MACROD2: variants seen among roughly 807,000 people sequenced by gnomAD.
MACROD2 encodes ADP-ribose glycohydrolase MACROD2.
Under a neutral mutation model 70.4 loss-of-function variants are expected in MACROD2, and 36 were observed. That is an observed-to-expected ratio of 0.51 (90% confidence interval 0.39 to 0.68). The LOEUF (loss-of-function observed/expected upper bound fraction) is 0.68. MACROD2 is among the 30% of genes least tolerant of loss of function. The pLI, the probability that MACROD2 is intolerant of heterozygous loss-of-function variation, is 0.00. For synonymous variants in MACROD2, 172 were observed against 178.8 expected (o/e 0.96, Z 0.30); for missense variants, 496 against 538.4 (o/e 0.92, Z 0.78).
chr20:15,583,105 T>C (rs2048549219), intron 8 of MACROD2, among the ~76,000 whole-genome samples: 1 of 152,066 alleles, frequency 6.6e-6, no homozygotes, highest in South Asian at 2.1e-4. Context: ...TTCAAAAACA[T>C]CTCTCAATCC....
At chr20:15,821,884 C>A (rs527893622) in intron 8 of MACROD2, among the ~76,000 whole-genome samples, 1 of 151,978 alleles carries the variant, frequency 6.6e-6, no homozygotes, top group Non-Finnish European at 1.5e-5. Context: ...TACCGAGGGA[C>A]GACTGTATAC....
At chr20:14,290,021 C>T (rs888638357) in intron 3 of MACROD2, among the ~76,000 whole-genome samples, 5 of 152,078 alleles carry the variant, frequency 3.3e-5, no homozygotes, top group African/African-American at 7.2e-5. Context: ...GGGCATGAAA[C>T]GTTTAAATAA....
At chr20:14,479,784 TA>T (rs1047993601) in intron 3 of MACROD2, among the ~76,000 whole-genome samples, 5 of 151,764 alleles carry the variant, frequency 3.3e-5, no homozygotes, top group Non-Finnish European at 7.4e-5. Context: ...TAAAAAATTT[TA>T]AAAAAAATCT....
intron 6 of MACROD2, among the ~76,000 whole-genome samples, chr20:15,239,954 A>G (rs1479004137): frequency 2.0e-5 from 3 of 152,260 alleles, no homozygotes; most frequent in Admixed American, 2.0e-4. Context: ...CACTACACAC[A>G]CTTGCTCTAT....
intron 5 of MACROD2, among the ~76,000 whole-genome samples, chr20:15,175,270 G>T (rs1052857329): frequency 8.1e-6 from 1 of 123,548 alleles, no homozygotes; most frequent in African/African-American, 3.2e-5. Flanking sequence ...ACACTCTGGG[G>T]ACTGTTGTGG....
chr20:15,002,094 T>G (rs953564116), intron 5 of MACROD2, among the ~76,000 whole-genome samples: 3 of 152,220 alleles, frequency 2.0e-5, no homozygotes, highest in Non-Finnish European at 4.4e-5. Context: ...ACTATCTTTT[T>G]CATATAATGA....
intron 8 of MACROD2, among the ~76,000 whole-genome samples, chr20:15,856,259 A>C (rs79311895): frequency 0.031 from 4,689 of 152,242 alleles, 143 homozygotes; most frequent in East Asian, 0.13. Flanking sequence ...ATCCTAGTTT[A>C]GAGGGCATCA....
intron 3 of MACROD2, among the ~76,000 whole-genome samples, chr20:14,349,925 T>A (rs1316670651): frequency 1.3e-5 from 2 of 151,586 alleles, no homozygotes; most frequent in Non-Finnish European, 2.9e-5. Context: ...ATTTTTTGTA[T>A]TTTAGTAGAG....
Position 15,021,089 on chromosome 20 carries a change from C to CATGT in MACROD2, c.419-208851_419-208850insATGT, listed in dbSNP as rs1270579002. Among the ~76,000 whole-genome samples the CATGT allele has an allele frequency of 2.2e-4, 28 of 127,524 alleles. 1 individual carries two copies. Among genetic ancestry groups the CATGT allele is most frequent in the Middle Eastern group, 9.0e-3 (2 of 222 alleles). 83.7% of individuals were successfully genotyped at this position (127,524 alleles called of 152,430 possible). A position where few individuals can be genotyped will look rare whatever the true frequency, so the allele number is the denominator to read the frequency against. ...ATACACATGTGTGTATGTGTATACACGTGTATGTGTATACACGTGTATGTG... is the reference window on the plus strand; with the variant it reads ...ATACACATGTGTGTATGTGTATACACATGTGTGTATGTGTATACACGTGTATGTG... On this transcript the variant is annotated intron_variant, in intron 5 of 17. Transcript: ENST00000684519.
At chr20:14,524,992 C>G (rs189967119) in intron 4 of MACROD2, among the ~76,000 whole-genome samples, 2 of 152,164 alleles carry the variant, frequency 1.3e-5, no homozygotes, top group South Asian at 4.2e-4. Flanking sequence ...GGAAGAGCCC[C>G]CATTTTCTTA....
At chr20:15,524,078 T>A (rs1483933108) in intron 8 of MACROD2, among the ~76,000 whole-genome samples, 1 of 152,212 alleles carries the variant, frequency 6.6e-6, no homozygotes, top group Non-Finnish European at 1.5e-5. Flanking sequence ...TTTGTCTGTG[T>A]GCACATTCAT....
intron 8 of MACROD2, among the ~76,000 whole-genome samples, chr20:15,597,385 T>C (rs774160734): frequency 1.3e-5 from 2 of 152,208 alleles, no homozygotes; most frequent in African/African-American, 2.4e-5. Flanking sequence ...ATTGGATTTA[T>C]TGGGGCAAAG....
At chr20:14,319,834 G>A (rs1019833415) in intron 3 of MACROD2, among the ~76,000 whole-genome samples, 1 of 151,964 alleles carries the variant, frequency 6.6e-6, no homozygotes, top group Admixed American at 6.6e-5. Flanking sequence ...CTGCTACAAA[G>A]GGTAAGTTCT....
intron 8 of MACROD2, among the ~76,000 whole-genome samples, chr20:15,649,730 AG>A (rs1234440160): frequency 6.6e-6 from 1 of 152,158 alleles, no homozygotes; most frequent in Non-Finnish European, 1.5e-5. Context: ...CTTTTTGAGG[AG>A]GGGATCTTTG....
At chr20:14,266,549 A>G (rs1474117580) in intron 3 of MACROD2, among the ~76,000 whole-genome samples, 1 of 152,174 alleles carries the variant, frequency 6.6e-6, no homozygotes, top group African/African-American at 2.4e-5. Context: ...TAGCAACATC[A>G]TCTTCATTTA....
At chr20:15,215,508 A>G (rs1275649031) in intron 5 of MACROD2, among the ~76,000 whole-genome samples, 1 of 152,108 alleles carries the variant, frequency 6.6e-6, no homozygotes, top group Non-Finnish European at 1.5e-5. Flanking sequence ...TACTCTCCCA[A>G]GGAATTGATT....
chr20:14,650,548 AT>A (rs1568719937), intron 4 of MACROD2, among the ~76,000 whole-genome samples: 1 of 152,200 alleles, frequency 6.6e-6, no homozygotes, highest in African/African-American at 2.4e-5. Flanking sequence ...AGTAATTATC[AT>A]TCTTCTTACA....
intron 5 of MACROD2, among the ~76,000 whole-genome samples, chr20:15,035,634 T>C (rs572491919): frequency 6.6e-6 from 1 of 152,256 alleles, no homozygotes; most frequent in South Asian, 2.1e-4. Context: ...AGGCTCCTAC[T>C]TGATACCTAG....
At chr20:14,081,833 A>G (rs2053998775) in intron 2 of MACROD2, among the ~76,000 whole-genome samples, 1 of 152,210 alleles carries the variant, frequency 6.6e-6, no homozygotes, top group African/African-American at 2.4e-5. Flanking sequence ...GTATGTACAT[A>G]TCTTTTTGGC....
Sources: gnomAD v4.1 joint callset for allele counts (sites outside exome capture counted in the v4.1 genomes callset) on GRCh38, gnomAD v4.1.1 for gene constraint, MANE v1.5 for transcripts, NCBI Gene and HGNC (gene_info 2026-07-23, HGNC 2026-07-21) for gene names.